The following LOC128462377 variants were observed in gnomAD, a reference collection of about 807,000 sequenced individuals.
the LOC128462377 span, among the ~76,000 whole-genome samples, chr16:89,340,756 T>A: frequency 6.6e-6 from 1 of 152,130 alleles, no homozygotes; most frequent in African/African-American, 2.4e-5. Flanking sequence ...CAAAACAAAA[T>A]CTTGGAAGAG....
At chr16:89,405,543 G>C in the LOC128462377 span, among the ~76,000 whole-genome samples, 1 of 144,902 alleles carries the variant, frequency 6.9e-6, no homozygotes, top group African/African-American at 2.6e-5. Flanking sequence ...TATGTTGTCC[G>C]GGCTGGTCTC....
the LOC128462377 span, among the ~76,000 whole-genome samples, chr16:89,333,058 G>A: frequency 6.6e-6 from 1 of 152,146 alleles, no homozygotes; most frequent in Non-Finnish European, 1.5e-5. Context: ...GGGAAGAAGG[G>A]CCCCTGTGGG....
At chr16:89,388,385 C>T in the LOC128462377 span, among the ~76,000 whole-genome samples, 4 of 151,038 alleles carry the variant, frequency 2.6e-5, no homozygotes, top group Admixed American at 2.0e-4. Context: ...CCGCCTTGGC[C>T]TCCCAAAGTA....
At chr16:89,341,248 G>T in the LOC128462377 span, among the ~76,000 whole-genome samples, 3 of 152,326 alleles carry the variant, frequency 2.0e-5, no homozygotes, top group South Asian at 6.2e-4. Context: ...AGCAGACCCG[G>T]TTTGGAAACA....
chr16:89,334,478 GGGGGAGTGTCCCACCA>G, the LOC128462377 span, among the ~76,000 whole-genome samples: 5 of 152,182 alleles, frequency 3.3e-5, no homozygotes, highest in African/African-American at 4.8e-5. Flanking sequence ...CTCTCACAAA[GGGGGAGTGTCCCACCA>G]CGTCCAACTC....
the LOC128462377 span, among the ~76,000 whole-genome samples, chr16:89,408,822 A>G: frequency 1.3e-5 from 2 of 152,236 alleles, no homozygotes; most frequent in Non-Finnish European, 1.5e-5. Flanking sequence ...AATAAAAATA[A>G]GGAAAATGCA....
At chr16:89,382,555 G>T in the LOC128462377 span, among the ~76,000 whole-genome samples, 1 of 151,926 alleles carries the variant, frequency 6.6e-6, no homozygotes, top group Non-Finnish European at 1.5e-5. Flanking sequence ...TCGAACTCCT[G>T]ACCTCAAGTG....
chr16:89,344,209 G>A, the LOC128462377 span, among the ~76,000 whole-genome samples: 3 of 152,160 alleles, frequency 2.0e-5, no homozygotes, highest in Non-Finnish European at 4.4e-5. Context: ...TCATCACTAG[G>A]GCTTAACGAT....
At chr16:89,333,750 G>A in the LOC128462377 span, among the ~76,000 whole-genome samples, 1 of 152,178 alleles carries the variant, frequency 6.6e-6, no homozygotes, top group Admixed American at 6.5e-5. Context: ...CATCTTGGCT[G>A]CTTCCAAGTT....
the LOC128462377 span, among the ~76,000 whole-genome samples, chr16:89,393,823 T>C: frequency 2.6e-5 from 4 of 152,094 alleles, no homozygotes; most frequent in Admixed American, 6.5e-5. Context: ...AAGTATTTAA[T>C]GAATAGGAGG....
the LOC128462377 span, among the ~76,000 whole-genome samples, chr16:89,367,143 A>G: frequency 1.3e-5 from 2 of 151,774 alleles, no homozygotes; most frequent in African/African-American, 4.8e-5. Flanking sequence ...CCCCGCACCC[A>G]TCGGTGAGGA....
chr16:89,371,961 G>C, the LOC128462377 span, among the ~76,000 whole-genome samples: 1 of 152,298 alleles, frequency 6.6e-6, no homozygotes, highest in Non-Finnish European at 1.5e-5. Context: ...GAAATCAGCT[G>C]GAAGAAAGAA....
At chr16:89,329,428 T>TAA in the LOC128462377 span, among the ~76,000 whole-genome samples, 3 of 152,128 alleles carry the variant, frequency 2.0e-5, no homozygotes, top group Non-Finnish European at 2.9e-5. Context: ...ACACAAGGGG[T>TAA]GTAAGGAGAC....
chr16:89,407,162 G>A, the LOC128462377 span, among the ~76,000 whole-genome samples: 80 of 151,960 alleles, frequency 5.3e-4, no homozygotes, highest in Non-Finnish European at 1.1e-3. Context: ...TCCAGCCTGG[G>A]CAACAAGAGC....
At chr16:89,403,268 C>G in the LOC128462377 span, among the ~76,000 whole-genome samples, 1 of 152,172 alleles carries the variant, frequency 6.6e-6, no homozygotes, top group African/African-American at 2.4e-5. Context: ...TCACTCACAC[C>G]AGCCACGCAC....
chr16:89,406,446 T>C, the LOC128462377 span, among the ~76,000 whole-genome samples: 1 of 152,168 alleles, frequency 6.6e-6, no homozygotes, highest in Non-Finnish European at 1.5e-5. Context: ...CAGCAGCTGC[T>C]GAGAAGGCCG....
chr16:89,397,716 T>C, the LOC128462377 span, among the ~76,000 whole-genome samples: 2 of 152,362 alleles, frequency 1.3e-5, no homozygotes, highest in South Asian at 4.1e-4. Context: ...GCTCTTGGAA[T>C]GTCAAGATGA....
the LOC128462377 span, among the ~76,000 whole-genome samples, chr16:89,374,174 C>T: frequency 2.6e-5 from 4 of 152,156 alleles, no homozygotes; most frequent in African/African-American, 9.7e-5. Flanking sequence ...CCTTTATTCA[C>T]GGCAATTCTT....
the LOC128462377 span, among the ~76,000 whole-genome samples, chr16:89,325,457 TCTCTCTCTCTCTCACA>T: frequency 3.7e-5 from 5 of 136,416 alleles, no homozygotes; most frequent in Non-Finnish European, 7.7e-5. Context: ...CTCCTCTCTC[TCTCTCTCTCTCTCACA>T]CACACACACA....
Sources: gnomAD v4.1 joint callset for allele counts (sites outside exome capture counted in the v4.1 genomes callset) on GRCh38, gnomAD v4.1.1 for gene constraint, MANE v1.5 for transcripts.